The following ZNF512 variants were observed in gnomAD, a reference collection of about 807,000 sequenced individuals.
ZNF512 encodes zinc finger protein 512.
In ZNF512, 25 loss-of-function variants were observed where a neutral mutation model predicts 77.5. That is an observed-to-expected ratio of 0.32 (90% CI 0.23 to 0.45). ZNF512 has a LOEUF of 0.45. ZNF512 is among the 20% of genes least tolerant of loss of function. The pLI is 1.00. For missense variants in ZNF512, 483 were observed against 692.6 expected, an observed-to-expected ratio of 0.70 and a Z score of 3.40; for synonymous variants, 246 against 239.9, an observed-to-expected ratio of 1.03 and a Z score of -0.24.
At chr2:27,589,956 TA>T (rs756288844) in intron 2 of ZNF512, among the ~76,000 whole-genome samples, 11 of 152,208 alleles carry the variant, frequency 7.2e-5, no homozygotes, top group Non-Finnish European at 1.3e-4. Flanking sequence ...TAATAAAAGT[TA>T]AAGTTGATGG....
At chr2:27,593,235 CACACACACACAA>C (rs1467083880) in intron 2 of ZNF512, among the ~76,000 whole-genome samples, 7 of 147,544 alleles carry the variant, frequency 4.7e-5, no homozygotes, top group African/African-American at 1.6e-4. Context: ...CACACACACA[CACACACACACAA>C]AAGAATGAGC....
chr2:27,591,686 G>T (rs949622822), intron 2 of ZNF512, among the ~76,000 whole-genome samples: 34 of 152,214 alleles, frequency 2.2e-4, no homozygotes, highest in African/African-American at 8.0e-4. Context: ...CGGGATTACA[G>T]GCGCGAGTCA....
At position 27,601,351 on chromosome 2, in the gene ZNF512, T is replaced by C. The variant is rs1269434989; in HGVS notation, c.583-5T>C. ...CCTAGCACTGAGCAGTATTTTTCCT[T>C]CTAGGAAATGTTTACTTGTCATCAT... On this transcript the variant is annotated splice_region_variant and splice_polypyrimidine_tract_variant and intron_variant, in intron 6 of 13. Transcript: ENST00000355467. 1 of 1,612,192 alleles carries C rather than the reference T, an allele frequency of 6.2e-7. No homozygotes were observed. The highest frequency in any genetic ancestry group is 2.2e-5 in the East Asian group (1 of 44,874).
intron 8 of ZNF512, 136 bp from the exon 9 acceptor site, chr2:27,603,004 G>A (rs1245319330): frequency 1.1e-6 from 1 of 937,506 alleles, no homozygotes; most frequent in Non-Finnish European, 1.6e-6. Flanking sequence ...GCTGATGGGA[G>A]ATGTTGGAGA....
intron 3 of ZNF512, 53 bp from the exon 4 acceptor site, chr2:27,599,530 G>A: frequency 7.4e-7 from 1 of 1,356,708 alleles, no homozygotes; most frequent in East Asian, 2.3e-5. Flanking sequence ...AGGCCTAGAT[G>A]TTCATTTACA....
In ZNF512 at chr2:27,621,425, G is replaced by C; in HGVS notation, c.1668G>C (p.Lys556Asn). ...TGCCAGCACAGTTCCAGAAAGTAAAGCCCCCAAAGACTAATCATAAACGAG... is the reference window on the plus strand; with the variant it reads ...TGCCAGCACAGTTCCAGAAAGTAAACCCCCCAAAGACTAATCATAAACGAG... ...EPVPAQFQKVKPPKTNHKRGR... is the reference protein window; with the variant it reads ...EPVPAQFQKVNPPKTNHKRGR... The change falls in exon 14 of 14, where the codon AAG becomes AAC. Residue 556 changes from lysine (K) to asparagine (N), a missense_variant. Transcript: ENST00000355467. 1 of 1,613,158 alleles carries C rather than the reference G, an allele frequency of 6.2e-7. No homozygotes were observed. The highest frequency in any genetic ancestry group is 8.5e-7 in the Non-Finnish European group (1 of 1,179,974).
In ZNF512 at chr2:27,621,448, G is replaced by C. The variant is rs752705419; in HGVS notation, c.1691G>C (p.Arg564Pro). ...AAGCCCCCAAAGACTAATCATAAACGAGGAAGGAAATAGGCAGTCAGTGTA... is the reference window on the plus strand; with the variant it reads ...AAGCCCCCAAAGACTAATCATAAACCAGGAAGGAAATAGGCAGTCAGTGTA... ...KVKPPKTNHK[R>P]GRK is the part of the protein sequence containing the mutation. Residue 564 changes from arginine to proline, a missense_variant, in exon 14 of 14, where the codon CGA (arginine) becomes CCA (proline). Physicochemically the swap from Arg to Pro is moderately radical, Grantham distance 103. Transcript: ENST00000355467. 5.6e-6 allele frequency: 9 copies of C among 1,610,082 alleles called. No homozygotes were observed. In the East Asian group the frequency reaches 1.1e-4, roughly 20 times the overall value.
intron 4 of ZNF512, 90 bp downstream of exon 4, chr2:27,599,768 C>T: frequency 7.9e-7 from 1 of 1,269,488 alleles, no homozygotes; most frequent in Non-Finnish European, 1.1e-6. Context: ...AGTTTGAGCC[C>T]TTCAGTGACC....
In ZNF512 at chr2:27,599,911, A is replaced by G. The variant is rs974170617; in HGVS notation, c.374-59A>G. 3.2e-6 allele frequency: 5 copies of G among 1,577,056 alleles called. No homozygotes were observed. In the South Asian group the frequency reaches 4.4e-5, roughly 14 times the overall value. ...AGGGTGTTGAAGAGGAGGAGAGGGA[A>G]GAGATTTTGGTATTAGCAAGGGTGA... On this transcript the variant is annotated intron_variant, in intron 4 of 13. Coordinates refer to ENST00000355467, the MANE Select transcript of ZNF512 (RefSeq NM_032434.4).
intron 10 of ZNF512, among the ~76,000 whole-genome samples, chr2:27,612,108 A>G (rs1051544278): frequency 6.6e-6 from 1 of 152,162 alleles, no homozygotes; most frequent in African/African-American, 2.4e-5. Context: ...TTGTATAAGT[A>G]AAGACTCAAT....
intron 10 of ZNF512, among the ~76,000 whole-genome samples, chr2:27,614,290 ACT>A (rs1483339819): frequency 1.3e-5 from 2 of 152,036 alleles, no homozygotes; most frequent in African/African-American, 4.8e-5. Context: ...CTCTCTGGAA[ACT>A]CTAGTTGTAG....
intron 2 of ZNF512, among the ~76,000 whole-genome samples, chr2:27,592,324 T>C (rs983829725): frequency 6.6e-6 from 1 of 151,672 alleles, no homozygotes; most frequent in East Asian, 1.9e-4. Flanking sequence ...TTTTTATTTT[T>C]TTTTTGAGAT....
chr2:27,616,191 G>A, intron 11 of ZNF512, 71 bp from the exon 12 acceptor site: 1 of 1,209,790 alleles, frequency 8.3e-7, no homozygotes, highest in Non-Finnish European at 1.2e-6. Context: ...GTTGGTCAGT[G>A]TAAATGGCCA....
At chr2:27,592,858 T>C (rs755469243) in intron 2 of ZNF512, among the ~76,000 whole-genome samples, 10 of 150,608 alleles carry the variant, frequency 6.6e-5, no homozygotes, top group Non-Finnish European at 7.4e-5. Context: ...GCTAATTTTG[T>C]ATTTTTAGTA....
intron 2 of ZNF512, among the ~76,000 whole-genome samples, chr2:27,594,567 A>C (rs1671765071): frequency 1.5e-5 from 2 of 134,914 alleles, no homozygotes; most frequent in Admixed American, 1.5e-4. Flanking sequence ...CACATCCCAG[A>C]TGATGGGCGG....
intron 10 of ZNF512, among the ~76,000 whole-genome samples, chr2:27,614,487 T>C (rs1672797198): frequency 6.6e-6 from 1 of 152,136 alleles, no homozygotes; most frequent in Admixed American, 6.5e-5. Context: ...ATGTTATAAT[T>C]GAAGAAAAAT....
intron 10 of ZNF512, among the ~76,000 whole-genome samples, chr2:27,610,137 G>T (rs1261201039): frequency 6.6e-6 from 1 of 151,776 alleles, no homozygotes; most frequent in Non-Finnish European, 1.5e-5. Context: ...GTCCAAGGTG[G>T]GCGGATCACG....
intron 7 of ZNF512, among the ~76,000 whole-genome samples, chr2:27,601,940 C>T (rs891844887): frequency 4.6e-5 from 7 of 152,254 alleles, no homozygotes; most frequent in East Asian, 3.9e-4. Context: ...TGAGCCATCG[C>T]GCCCAGAAAT....
At chr2:27,595,647 C>T (rs1055906098) in intron 2 of ZNF512, among the ~76,000 whole-genome samples, 9 of 152,186 alleles carry the variant, frequency 5.9e-5, no homozygotes, top group Non-Finnish European at 7.3e-5. Flanking sequence ...TTCTATTGAA[C>T]GGTCTTCAAG....
Sources: allele counts gnomAD v4.1 joint callset (sites outside exome capture counted in the v4.1 genomes callset), GRCh38; gene constraint gnomAD v4.1.1; transcripts MANE v1.5; gene names NCBI Gene and HGNC (gene_info 2026-07-23, HGNC 2026-07-21).